RBCK1: variants seen among roughly 807,000 people sequenced by gnomAD.
RBCK1 encodes RANBP2-type and C3HC4-type zinc finger containing 1.
In RBCK1, 44 loss-of-function variants were observed where a neutral mutation model predicts 71.1. That is an observed-to-expected ratio of 0.62 (90% CI 0.49 to 0.80). The LOEUF (loss-of-function observed/expected upper bound fraction) is 0.80, where lower values mean the gene tolerates loss of function less well. RBCK1 is among the 30% of genes least tolerant of loss of function. The pLI is 0.00. For synonymous variants in RBCK1, 306 were observed against 279.7 expected (o/e 1.09, Z -0.94); for missense variants, 569 against 685.0 (o/e 0.83, Z 1.89).
intron 2 of RBCK1, among the ~76,000 whole-genome samples, chr20:415,814 C>T (rs2015949186): frequency 6.6e-6 from 1 of 152,184 alleles, no homozygotes; most frequent in African/African-American, 2.4e-5. Flanking sequence ...CTGGGGAGGC[C>T]TCAGTGAACT....
rs752416716 is a variant in RBCK1 at position 408,769 on chromosome 20, G to A, written c.12G>A (p.Lys4=). The A allele has an allele frequency of 2.5e-6, 4 of 1,611,986 alleles. No homozygotes were observed. Among genetic ancestry groups the A allele is most frequent in the Non-Finnish European group, 2.5e-6 (3 of 1,179,300 alleles). Residue 4 remains lysine (K), a synonymous_variant, in exon 1 of 12, where the codon AAG becomes AAA. Transcript: ENST00000356286. The part of the protein sequence containing the change: MDE[K]TKKAEEMALS... ...CACAGCCACGCCAGATGGACGAGAAGACCAAGAAAGGTGGGCACAGGCTGG... is the reference window on the plus strand; with the variant it reads ...CACAGCCACGCCAGATGGACGAGAAAACCAAGAAAGGTGGGCACAGGCTGG...
rs1485788271 is a variant in RBCK1, at chr20:431,622, G to T, written c.*1192G>T. On this transcript the variant is annotated 3_prime_UTR_variant, in exon 12 of 12. Transcript: ENST00000356286. The surrounding 1 kb of genome is among the most constrained non-coding windows in gnomAD (Gnocchi z 4.8). The stretch of plus-strand genomic sequence containing the variant: ...TGAAGGCCTGTGATTTTGTGGGGAA[G>T]GGCCTGTTCTAGCAACTGGAAAGGC... Among the ~76,000 whole-genome samples the T allele has an allele frequency of 6.6e-6, 1 of 152,150 alleles. No individual in the cohort carries two copies. Among genetic ancestry groups the T allele is most frequent in the African/African-American group, 2.4e-5 (1 of 41,434 alleles).
At chr20:426,577 C>T (rs1251399993) in intron 8 of RBCK1, among the ~76,000 whole-genome samples, 1 of 152,056 alleles carries the variant, frequency 6.6e-6, no homozygotes, top group Non-Finnish European at 1.5e-5. Context: ...ATATATGTGC[C>T]ACGTTTTCTT....
At chr20:414,091 CAA>C (rs11481454) in intron 2 of RBCK1, among the ~76,000 whole-genome samples, 3 of 139,710 alleles carry the variant, frequency 2.1e-5, no homozygotes, top group African/African-American at 5.4e-5. Flanking sequence ...GTGGTTCATA[CAA>C]AAAAAAAAAA....
At chr20:421,853 G>A (rs1340948662) in intron 7 of RBCK1, 1 of 465,184 alleles carries the variant, frequency 2.1e-6, no homozygotes. Flanking sequence ...CTAGGGGCCA[G>A]ATGGATGCAG....
intron 2 of RBCK1, among the ~76,000 whole-genome samples, chr20:412,060 A>G (rs1199520496): frequency 6.6e-6 from 1 of 152,244 alleles, no homozygotes; most frequent in Admixed American, 6.5e-5. Flanking sequence ...AATGCCAGAC[A>G]GTTTTCCAAA....
intron 8 of RBCK1, 141 bp from the exon 9 acceptor site, chr20:427,172 C>A (rs764259533): frequency 4.0e-6 from 3 of 745,236 alleles, no homozygotes; most frequent in East Asian, 5.4e-5. Flanking sequence ...TTTTTCAACA[C>A]TATGAGGATT....
At chr20:409,271 C>T (rs1469592982) in intron 1 of RBCK1, among the ~76,000 whole-genome samples, 1 of 152,212 alleles carries the variant, frequency 6.6e-6, no homozygotes, top group African/African-American at 2.4e-5. Flanking sequence ...CCACTGGCTT[C>T]CTTCGGTTCT....
In RBCK1 at chr20:430,289, C is replaced by G. The variant is rs1031396409; in HGVS notation, c.1453-61C>G. On this transcript the variant is annotated intron_variant, in intron 11 of 11. Transcript: ENST00000356286. The surrounding 1 kb of genome is among the most constrained non-coding windows in gnomAD (Gnocchi z 5.6). ...CAAAGGCCCGGGGTGGGAGAGCGCT[C>G]GGCTGTGGGGGCAGTCTCTGCACTG... 1 of 1,459,002 alleles carries G rather than the reference C, an allele frequency of 6.9e-7. No homozygotes were observed. Among genetic ancestry groups the G allele is most frequent in the Non-Finnish European group, 9.6e-7 (1 of 1,043,336 alleles). 90.4% of individuals were successfully genotyped at this position (1,459,002 alleles called of 1,614,324 possible).
chr20:415,104 G>A (rs1002526869), intron 2 of RBCK1, among the ~76,000 whole-genome samples: 4 of 152,160 alleles, frequency 2.6e-5, no homozygotes, highest in Non-Finnish European at 4.4e-5. Context: ...GGCGGGGCAC[G>A]ATGGATGATG....
rs1349707689 is a variant in RBCK1, at chr20:431,987, T to C, written c.*1557T>C. Among the ~76,000 whole-genome samples the C allele has an allele frequency of 6.6e-6, 1 of 152,226 alleles. No individual in the cohort carries two copies. Among genetic ancestry groups the C allele is most frequent in the Non-Finnish European group, 1.5e-5 (1 of 68,040 alleles). ...CTGGTGTCTCTCAGGAGCCTGGGCA[T>C]GAGACAAAAGCAGAGATTGTTCTCT... On this transcript the variant is annotated 3_prime_UTR_variant, in exon 12 of 12. Coordinates refer to ENST00000356286, the MANE Select transcript of RBCK1 (RefSeq NM_031229.4). The surrounding 1 kb of genome is among the most constrained non-coding windows in gnomAD (Gnocchi z 4.8).
Position 422,235 on chromosome 20 carries a change from G to A in RBCK1, c.1026G>A (p.Lys342=), listed in dbSNP as rs770760430. 6.2e-7 allele frequency: 1 copy of A among 1,613,420 alleles called. No homozygotes were observed. The highest frequency in any genetic ancestry group is 1.3e-5 in the African/African-American group (1 of 75,010). The stretch of plus-strand genomic sequence containing the variant: ...GCAAGCTGCTGGAGAGGGAGATCAA[G>A]GCGGTAAGGCCTCAGGGTGGGAGAC... The part of the protein sequence containing the change: ...CSGKLLEREI[K]ALLTPEDYQR... Residue 342 remains lysine, a synonymous_variant, in exon 8 of 12, where the codon AAG becomes AAA. Transcript: ENST00000356286. The surrounding 1 kb of genome is among the most constrained non-coding windows in gnomAD (Gnocchi z 5.0).
At chr20:423,168 G>A (rs1243859121) in intron 8 of RBCK1, among the ~76,000 whole-genome samples, 4 of 152,092 alleles carry the variant, frequency 2.6e-5, no homozygotes, top group South Asian at 2.1e-4. Context: ...GTGTGGTGGC[G>A]CATGCCTGTA....
At chr20:426,282 G>A (rs1210038083) in intron 8 of RBCK1, among the ~76,000 whole-genome samples, 1 of 151,756 alleles carries the variant, frequency 6.6e-6, no homozygotes, top group Non-Finnish European at 1.5e-5. Flanking sequence ...AGTCTGTTGT[G>A]CTATCAAATA....
At chr20:424,471 G>A (rs941241184) in intron 8 of RBCK1, among the ~76,000 whole-genome samples, 4 of 152,168 alleles carry the variant, frequency 2.6e-5, no homozygotes, top group Non-Finnish European at 4.4e-5. Flanking sequence ...TATTTCTCCT[G>A]AGAATGCTCC....
At position 408,435 on chromosome 20, in the gene RBCK1, C is replaced by G. The variant is rs2015496676; in HGVS notation, c.-323C>G. 2 of 482,798 alleles carry G rather than the reference C, an allele frequency of 4.1e-6. No individual in the cohort carries two copies. Among genetic ancestry groups the G allele is most frequent in the African/African-American group, 2.1e-5 (1 of 48,522 alleles). 29.9% of individuals were successfully genotyped at this position (482,798 alleles called of 1,614,324 possible). A position where few individuals can be genotyped will look rare whatever the true frequency, so the allele number is the denominator to read the frequency against. ...TGGGGGTCCTCCGGGACTTGGAACG[C>G]CCCGGCTGGGTGGTGTCCGGGCGTC... On this transcript the variant is annotated 5_prime_UTR_variant, in exon 1 of 12. Coordinates refer to ENST00000356286, the MANE Select transcript of RBCK1 (RefSeq NM_031229.4).
chr20:424,406 C>G (rs2122298337), intron 8 of RBCK1, among the ~76,000 whole-genome samples: 1 of 111,666 alleles, frequency 9.0e-6, no homozygotes, highest in South Asian at 2.9e-4. Flanking sequence ...CCCCACAAAA[C>G]ACATACACAG....
rs755538520 is a variant in RBCK1, at chr20:430,157, TA to T, written c.1453-192del. ...CCTCTCCCTGGCCTGTTCCCGGATC[TA>T]GGCGTGGGTAGACTGAGTGCTGTGG... On this transcript the variant is annotated intron_variant, in intron 11 of 11. Coordinates refer to ENST00000356286, the MANE Select transcript of RBCK1 (RefSeq NM_031229.4). The surrounding 1 kb of genome is among the most constrained non-coding windows in gnomAD (Gnocchi z 5.6). Among the ~76,000 whole-genome samples the T allele has an allele frequency of 2.0e-5, 3 of 152,216 alleles. No homozygotes were observed. Among genetic ancestry groups the T allele is most frequent in the Non-Finnish European group, 2.9e-5 (2 of 68,034 alleles).
chr20:419,361 G>C lies in RBCK1; in HGVS notation c.475G>C (p.Asp159His), dbSNP rs761116626. The change falls in exon 5 of 12, where the codon GAC becomes CAC. Residue 159 changes from aspartate to histidine, a missense_variant. Physicochemically the swap from Asp to His is moderately conservative, Grantham distance 81. Around this residue, in one of 2 missense-constraint regions of RBCK1, gnomAD observed 358 missense variants for 375.6 expected, o/e 0.95. Transcript: ENST00000356286. ...CTCCTCCACAGATCTGGGCTTCAAG[G>C]ACCTCACGCTGCAGCCGCGGGGCCC... The part of the protein sequence containing the change: ...LRMLEDLGFK[D>H]LTLQPRGPLE... 2 of 1,612,204 alleles carry C rather than the reference G, an allele frequency of 1.2e-6. No individual in the cohort carries two copies. Among genetic ancestry groups the C allele is most frequent in the East Asian group, 2.2e-5 (1 of 44,882 alleles).
Sources: gnomAD v4.1 joint callset for allele counts (sites outside exome capture counted in the v4.1 genomes callset) on GRCh38, gnomAD v4.1.1 for gene constraint, gnomAD v4.1.1 regional missense constraint, Gnocchi (gnomAD v3.1) non-coding constraint, MANE v1.5 for transcripts, NCBI Gene and HGNC (gene_info 2026-07-23, HGNC 2026-07-21) for gene names.